USH2A: variants seen among roughly 807,000 people sequenced by gnomAD.
The protein encoded by USH2A is usherin.
Under a neutral mutation model 538.9 loss-of-function variants are expected in USH2A, and 443 were observed. The observed-to-expected ratio is 0.82, with a 90% CI of 0.76 to 0.89. The LOEUF is 0.89. Ranked by LOEUF, USH2A falls within the 40% of genes least tolerant of loss-of-function variation. The pLI, the probability that USH2A is intolerant of heterozygous loss-of-function variation, is 0.00. For missense variants in USH2A, 6,633 were observed against 6,324.8 expected (o/e 1.05, Z -1.65); for synonymous variants, 2,413 against 2,273.5 (o/e 1.06, Z -1.75).
intron 9 of USH2A, among the ~76,000 whole-genome samples, chr1:216,301,001 C>T (rs1011382694): frequency 1.1e-4 from 16 of 151,972 alleles, no homozygotes; most frequent in East Asian, 5.8e-4. Context: ...CCGCCCACCT[C>T]GGCCTACCAA....
intron 9 of USH2A, among the ~76,000 whole-genome samples, chr1:216,316,674 C>T (rs543557407): frequency 1.2e-4 from 19 of 152,194 alleles, no homozygotes; most frequent in Admixed American, 1.2e-3. Context: ...TTTTAATAAT[C>T]GCCATTCTGA....
At chr1:215,856,414 G>A (rs1415836959) in intron 44 of USH2A, among the ~76,000 whole-genome samples, 1 of 152,012 alleles carries the variant, frequency 6.6e-6, no homozygotes, top group Admixed American at 6.6e-5. Context: ...GAATGGCCAA[G>A]AAACGTGCAA....
chr1:215,978,534 G>T (rs963041014), intron 35 of USH2A, among the ~76,000 whole-genome samples: 1 of 152,004 alleles, frequency 6.6e-6, no homozygotes, highest in Admixed American at 6.6e-5. Flanking sequence ...TGGTATTTTG[G>T]GAAGTAAGAA....
chr1:216,246,661 G>A lies in USH2A; in HGVS notation c.2733C>T (p.Thr911=), dbSNP rs375996450. Residue 911 remains threonine (T), a synonymous_variant, in exon 13 of 72, where the codon ACC becomes ACT. Coordinates refer to ENST00000307340, the MANE Select transcript of USH2A (RefSeq NM_206933.4). ...ACTGGCCACTGATTGGGTCACAAAT[G>A]GTCCCAGGTAATGTCCCCAAGGAAT... is the stretch of plus-strand genomic sequence containing the variant. The part of the protein sequence containing the change: ...ECDSLGTLPG[T]ICDPISGQCL... The A allele has an allele frequency of 8.7e-6, 14 of 1,613,940 alleles. No homozygotes were observed. The African/African-American group carries it at 1.1e-4, about 12-fold the overall frequency.
chr1:215,809,489 A>T (rs2102789155), intron 49 of USH2A, among the ~76,000 whole-genome samples: 1 of 152,262 alleles, frequency 6.6e-6, no homozygotes, highest in South Asian at 2.1e-4. Context: ...TATCAATAAA[A>T]AATAAAACTA....
chr1:215,836,494 ATATAATATATAT>A (rs1320077822), intron 47 of USH2A, among the ~76,000 whole-genome samples: 3 of 17,796 alleles, frequency 1.7e-4, no homozygotes, highest in East Asian at 5.3e-3. Context: ...TATATTATAT[ATATAATATATAT>A]TATATATATA....
chr1:216,164,209 T>C (rs2034123263), intron 21 of USH2A, among the ~76,000 whole-genome samples: 1 of 152,112 alleles, frequency 6.6e-6, no homozygotes, highest in South Asian at 2.1e-4. Context: ...GATTGAACTC[T>C]TCCATTTAAA....
chr1:216,081,071 C>T (rs994217037), intron 26 of USH2A, among the ~76,000 whole-genome samples: 1 of 151,938 alleles, frequency 6.6e-6, no homozygotes, highest in Non-Finnish European at 1.5e-5. Context: ...TTCTCATACC[C>T]GTATTAGTTT....
chr1:216,279,440 A>AC (rs1445532786), intron 11 of USH2A, among the ~76,000 whole-genome samples: 1 of 151,842 alleles, frequency 6.6e-6, no homozygotes, highest in Non-Finnish European at 1.5e-5. Flanking sequence ...CAACTCCCCT[A>AC]CCCCCATCTA....
At chr1:215,780,320 A>C (rs896742286) in intron 54 of USH2A, among the ~76,000 whole-genome samples, 1 of 152,152 alleles carries the variant, frequency 6.6e-6, no homozygotes, top group African/African-American at 2.4e-5. Context: ...TGTTTAAACA[A>C]GTAAAATCTG....
Position 215,758,604 on chromosome 1 carries a change from T to A in USH2A, c.11380A>T (p.Ile3794Leu). 6.2e-7 allele frequency: 1 copy of A among 1,612,890 alleles called. No individual in the cohort carries two copies. The highest frequency in any genetic ancestry group is 1.3e-5 in the African/African-American group (1 of 74,966). The change falls in exon 58 of 72, where the codon ATA (isoleucine) becomes TTA (leucine). Residue 3794 changes from isoleucine to leucine, a missense_variant. Coordinates refer to ENST00000307340, the MANE Select transcript of USH2A (RefSeq NM_206933.4). ...TCTTTTTTTTTTTTACCTGGTGGTATCCAAGCTACAAATATAGAATAAGGC... is the reference window on the plus strand; with the variant it reads ...TCTTTTTTTTTTTTACCTGGTGGTAACCAAGCTACAAATATAGAATAAGGC... ...IGPYSIFVAWIPPGILIPEIP... is the reference protein window; with the variant it reads ...IGPYSIFVAWLPPGILIPEIP...
chr1:216,376,625 A>G (rs1308148646), intron 3 of USH2A, among the ~76,000 whole-genome samples: 2 of 152,158 alleles, frequency 1.3e-5, no homozygotes, highest in Non-Finnish European at 2.9e-5. Flanking sequence ...ATTAGGTCAG[A>G]TTATGCCTGA....
chr1:216,053,806 G>A (rs1280795658), intron 30 of USH2A, among the ~76,000 whole-genome samples: 2 of 152,134 alleles, frequency 1.3e-5, no homozygotes, highest in Non-Finnish European at 2.9e-5. Flanking sequence ...CACCAAGGGA[G>A]TTTGAAGTCA....
chr1:216,260,351 G>A (rs1212280421), intron 11 of USH2A, among the ~76,000 whole-genome samples: 3 of 152,148 alleles, frequency 2.0e-5, no homozygotes, highest in Non-Finnish European at 4.4e-5. Context: ...ATCTTTGAGA[G>A]CCTTAAGACT....
At chr1:215,671,833 C>T (rs1571946060) in intron 63 of USH2A, among the ~76,000 whole-genome samples, 1 of 151,916 alleles carries the variant, frequency 6.6e-6, no homozygotes, top group Non-Finnish European at 1.5e-5. Flanking sequence ...CATGAAGGAA[C>T]ATCATGGAAT....
chr1:216,243,355 A>G (rs1311339786), intron 13 of USH2A, among the ~76,000 whole-genome samples: 1 of 152,220 alleles, frequency 6.6e-6, no homozygotes, highest in Non-Finnish European at 1.5e-5. Flanking sequence ...TCTATTCGGA[A>G]GTTGACTAAT....
At chr1:215,871,803 T>C (rs1262317407) in intron 43 of USH2A, among the ~76,000 whole-genome samples, 2 of 152,178 alleles carry the variant, frequency 1.3e-5, no homozygotes, top group Non-Finnish European at 2.9e-5. Flanking sequence ...AGCTGGGAAG[T>C]CTTCACGGAG....
intron 38 of USH2A, among the ~76,000 whole-genome samples, chr1:215,911,711 T>C (rs963545346): frequency 7.9e-5 from 12 of 152,082 alleles, no homozygotes; most frequent in African/African-American, 2.9e-4. Flanking sequence ...TTCCTTTCTT[T>C]TGGGTGTATG....
intron 34 of USH2A, among the ~76,000 whole-genome samples, chr1:215,997,015 T>C (rs186696339): frequency 1.4e-3 from 215 of 152,242 alleles, no homozygotes; most frequent in Admixed American, 4.3e-3. Context: ...GCAACTCCAC[T>C]TTGCTGAGAA....
Sources: gnomAD v4.1 joint callset for allele counts (sites outside exome capture counted in the v4.1 genomes callset) on GRCh38, gnomAD v4.1.1 for gene constraint, MANE v1.5 for transcripts, NCBI Gene and HGNC (gene_info 2026-07-23, HGNC 2026-07-21) for gene names.